Variants in AGBL4 observed in about 807,000 individuals in gnomAD.
AGBL4 encodes the protein AGBL carboxypeptidase 4.
In AGBL4, 58 loss-of-function variants were observed where a neutral mutation model predicts 66.4. The ratio of observed to expected loss-of-function variants is 0.87; its 90% CI spans 0.71 to 1.09. AGBL4 has a LOEUF of 1.09. AGBL4 is among the 50% of genes least tolerant of loss of function. The pLI is 0.00. For synonymous variants in AGBL4, 234 were observed against 222.9 expected (o/e 1.05, Z -0.44); for missense variants, 579 against 631.0 (o/e 0.92, Z 0.88).
intron 4 of AGBL4, among the ~76,000 whole-genome samples, chr1:49,132,564 G>A (rs941645118): frequency 6.6e-6 from 1 of 152,122 alleles, no homozygotes; most frequent in Non-Finnish European, 1.5e-5. Flanking sequence ...CTGGAAGCAT[G>A]TATTTTAGAG....
chr1:49,247,586 T>C (rs929722900), intron 3 of AGBL4, among the ~76,000 whole-genome samples: 2 of 151,046 alleles, frequency 1.3e-5, no homozygotes, highest in African/African-American at 2.5e-5. Flanking sequence ...AAGCCCCCCC[T>C]TTTTTTTCTG....
chr1:48,661,330 G>C (rs925085944), intron 7 of AGBL4, among the ~76,000 whole-genome samples: 1 of 152,178 alleles, frequency 6.6e-6, no homozygotes, highest in African/African-American at 2.4e-5. Context: ...CAGGCACAGG[G>C]CCTGCCAGGC....
At chr1:49,442,657 A>G (rs1275532178) in intron 3 of AGBL4, among the ~76,000 whole-genome samples, 1 of 152,210 alleles carries the variant, frequency 6.6e-6, no homozygotes, top group South Asian at 2.1e-4. Flanking sequence ...TTCATGCATT[A>G]ATAGACGCTT....
chr1:49,002,919 C>G (rs1027087023), intron 5 of AGBL4, among the ~76,000 whole-genome samples: 1 of 152,060 alleles, frequency 6.6e-6, no homozygotes, highest in Admixed American at 6.5e-5. Context: ...GTGTATAGAC[C>G]AGGAGCAGAG....
intron 2 of AGBL4, among the ~76,000 whole-genome samples, chr1:49,756,572 A>G (rs935667025): frequency 1.3e-5 from 2 of 152,192 alleles, no homozygotes; most frequent in African/African-American, 4.8e-5. Flanking sequence ...ATCCCCACCC[A>G]AATCCCATCT....
chr1:48,929,865 C>T (rs1390227598), intron 5 of AGBL4, among the ~76,000 whole-genome samples: 1 of 152,166 alleles, frequency 6.6e-6, no homozygotes, highest in Non-Finnish European at 1.5e-5. Context: ...TATTCTGCCA[C>T]CTCAGACTTT....
intron 9 of AGBL4, among the ~76,000 whole-genome samples, chr1:48,625,989 T>C (rs1570050860): frequency 6.6e-6 from 1 of 152,228 alleles, no homozygotes; most frequent in South Asian, 2.1e-4. Flanking sequence ...TAGGAAAAAC[T>C]GTAAAAATTT....
intron 5 of AGBL4, among the ~76,000 whole-genome samples, chr1:49,035,600 G>T (rs1234467344): frequency 1.3e-5 from 2 of 152,084 alleles, no homozygotes; most frequent in East Asian, 3.9e-4. Context: ...GAAAGCTGTT[G>T]ATTACCAGTT....
chr1:49,942,037 A>G (rs1179246519), intron 1 of AGBL4, among the ~76,000 whole-genome samples: 6 of 152,172 alleles, frequency 3.9e-5, no homozygotes, highest in African/African-American at 1.4e-4. Context: ...TAATCAACAT[A>G]TGAAAATCAG....
intron 3 of AGBL4, among the ~76,000 whole-genome samples, chr1:49,545,424 A>G (rs1652392895): frequency 6.6e-6 from 1 of 152,214 alleles, no homozygotes; most frequent in South Asian, 2.1e-4. Flanking sequence ...CCTGGCCTAT[A>G]TTTCATTGCA....
At chr1:48,806,804 T>C (rs570593589) in intron 6 of AGBL4, among the ~76,000 whole-genome samples, 2 of 152,290 alleles carry the variant, frequency 1.3e-5, no homozygotes, top group South Asian at 4.1e-4. Flanking sequence ...TGCCAAGGCT[T>C]TTCAGGAAAC....
intron 2 of AGBL4, among the ~76,000 whole-genome samples, chr1:49,748,164 GCC>G (rs1206752764): frequency 1.3e-5 from 2 of 151,512 alleles, no homozygotes; most frequent in African/African-American, 4.8e-5. Context: ...CTCCCCTTGC[GCC>G]CCACCCCCTG....
chr1:48,926,502 T>C (rs1285687878), intron 5 of AGBL4, among the ~76,000 whole-genome samples: 1 of 151,600 alleles, frequency 6.6e-6, no homozygotes, highest in Non-Finnish European at 1.5e-5. Flanking sequence ...TTGGCCAGGC[T>C]AGTCTCAAAC....
At chr1:49,882,960 T>C (rs1310521988) in intron 1 of AGBL4, among the ~76,000 whole-genome samples, 3 of 152,250 alleles carry the variant, frequency 2.0e-5, no homozygotes, top group Non-Finnish European at 4.4e-5. Flanking sequence ...AAAAATCCTA[T>C]TCATAAATAT....
chr1:48,522,730 CA>C, the AGBL4 span, among the ~76,000 whole-genome samples: 1 of 152,040 alleles, frequency 6.6e-6, no homozygotes, highest in Admixed American at 6.6e-5. Context: ...CGGGAATCAC[CA>C]CCAGAGTTGC....
intron 3 of AGBL4, among the ~76,000 whole-genome samples, chr1:49,361,756 C>CACACACACACAT (rs1644140418): frequency 6.6e-6 from 1 of 152,152 alleles, no homozygotes; most frequent in Admixed American, 6.6e-5. Context: ...TCTCCCTACA[C>CACACACACACAT]ACACACACAC....
chr1:48,847,929 A>C (rs17104982), intron 6 of AGBL4, among the ~76,000 whole-genome samples: 6,302 of 152,248 alleles, frequency 0.041, 434 homozygotes, highest in African/African-American at 0.14. Context: ...CATAATTCTC[A>C]AAGGAACATT....
intron 6 of AGBL4, chr1:48,776,560 C>T: frequency 7.5e-7 from 1 of 1,336,832 alleles, no homozygotes; most frequent in South Asian, 1.7e-5. Flanking sequence ...CCCGGGGTCC[C>T]AGCCCCCGCC....
chr1:49,899,346 AAT>A (rs1415113378), intron 1 of AGBL4, among the ~76,000 whole-genome samples: 2 of 152,264 alleles, frequency 1.3e-5, no homozygotes, highest in East Asian at 3.9e-4. Flanking sequence ...AGTCAATAAT[AAT>A]TTAATTGTAC....
Sources: allele counts gnomAD v4.1 joint callset (sites outside exome capture counted in the v4.1 genomes callset), GRCh38; gene constraint gnomAD v4.1.1; transcripts MANE v1.5; gene names NCBI Gene and HGNC (gene_info 2026-07-23, HGNC 2026-07-21).